Variants in SENP5 observed in about 807,000 individuals in gnomAD.
The protein encoded by SENP5 is SUMO specific peptidase 5, also known as sentrin-specific protease 5.
A neutral mutation model predicts 74.2 loss-of-function variants in SENP5; 21 were observed. The ratio of observed to expected loss-of-function variants is 0.28; its 90% CI spans 0.20 to 0.41. The LOEUF (loss-of-function observed/expected upper bound fraction) is 0.41, where lower values mean the gene tolerates loss of function less well. Ranked by LOEUF, SENP5 falls within the 10% of genes least tolerant of loss-of-function variation. The pLI, the probability that SENP5 is intolerant of heterozygous loss-of-function variation, is 1.00. For missense variants in SENP5, 717 were observed against 889.1 expected, an observed-to-expected ratio of 0.81 and a Z score of 2.46; for synonymous variants, 311 against 312.7, an observed-to-expected ratio of 0.99 and a Z score of 0.06.
intron 1 of SENP5, among the ~76,000 whole-genome samples, chr3:196,868,749 C>T (rs1032762790): frequency 1.3e-5 from 2 of 152,180 alleles, no homozygotes; most frequent in African/African-American, 2.4e-5. Flanking sequence ...GTGGGACTTT[C>T]TTCTACCAAT....
At chr3:196,872,694 G>A (rs1301316009) in intron 1 of SENP5, among the ~76,000 whole-genome samples, 1 of 152,190 alleles carries the variant, frequency 6.6e-6, no homozygotes, top group East Asian at 1.9e-4. Context: ...GCCACATGTA[G>A]CAGCCTAAAT....
At chr3:196,876,094 T>G (rs1713452674) in intron 1 of SENP5, among the ~76,000 whole-genome samples, 2 of 152,330 alleles carry the variant, frequency 1.3e-5, no homozygotes, top group Non-Finnish European at 1.5e-5. Flanking sequence ...AGTTTGTTTA[T>G]ATAGAAGTGA....
intron 2 of SENP5, among the ~76,000 whole-genome samples, chr3:196,887,511 G>GT (rs113215771): frequency 0.016 from 2,257 of 142,730 alleles, 27 homozygotes; most frequent in African/African-American, 0.036. Flanking sequence ...GATTGTTTCT[G>GT]TTTTTTTTTT....
chr3:196,902,340 C>G (rs778761691), intron 5 of SENP5, among the ~76,000 whole-genome samples: 5 of 152,178 alleles, frequency 3.3e-5, no homozygotes, highest in Non-Finnish European at 7.4e-5. Context: ...GTTGCCCAGG[C>G]TAGCTTGAGC....
At chr3:196,911,419 G>A (rs553963120) in intron 6 of SENP5, among the ~76,000 whole-genome samples, 89 of 152,266 alleles carry the variant, frequency 5.8e-4, no homozygotes, top group African/African-American at 2.1e-3. Context: ...CTTCGCAAAA[G>A]AAGACATTTA....
intron 6 of SENP5, among the ~76,000 whole-genome samples, chr3:196,905,629 G>A (rs943650514): frequency 6.6e-6 from 1 of 152,140 alleles, no homozygotes; most frequent in Non-Finnish European, 1.5e-5. Flanking sequence ...AGATGCATGG[G>A]AAGAGATGTA....
chr3:196,877,299 C>T (rs908644717), intron 1 of SENP5, among the ~76,000 whole-genome samples: 2 of 152,140 alleles, frequency 1.3e-5, no homozygotes, highest in African/African-American at 4.8e-5. Context: ...TCTTCTGCCT[C>T]AGGCTCCTGA....
rs117182795 is a variant in SENP5 at position 196,902,178 on chromosome 3, A to T, written c.1807-1355A>T. Among the ~76,000 whole-genome samples the T allele has an allele frequency of 1.2e-3, 187 of 152,356 alleles. 7 individuals carry two copies. In the East Asian group the frequency reaches 0.03, roughly 24 times the overall value. On this transcript the variant is annotated intron_variant, in intron 5 of 9. Coordinates refer to ENST00000323460, the MANE Select transcript of SENP5 (RefSeq NM_152699.5). ...ACACTCCAGGCTGGAATGCAGTGGC[A>T]CAGTCATAGCTCACTGTAGCCTTGA... is the stretch of plus-strand genomic sequence containing the variant.
rs572160747 is a variant in SENP5, at chr3:196,873,069, CTTTTTTT to C, written c.-32+5011_-32+5017del. On this transcript the variant is annotated intron_variant, in intron 1 of 9. Coordinates refer to ENST00000323460, the MANE Select transcript of SENP5 (RefSeq NM_152699.5). ...TCCTCCCTGCAAGCTTGAGATTTAACTTTTTTTTTTTTTTTTTTTTTGGAGACGGAGT... is the reference window on the plus strand; with the variant it reads ...TCCTCCCTGCAAGCTTGAGATTTAACTTTTTTTTTTTTTTGGAGACGGAGT... Among the ~76,000 whole-genome samples the C allele has an allele frequency of 9.2e-5, 10 of 108,354 alleles. No homozygotes were observed. The East Asian group carries it at 2.6e-3, about 28-fold the overall frequency. The allele number at this position is 108,354 out of a possible 152,430, so 71.1% of individuals were successfully genotyped here. A position where few individuals can be genotyped will look rare whatever the true frequency, so the allele number is the denominator to read the frequency against.
chr3:196,877,451 C>CT (rs1258002102), intron 1 of SENP5, among the ~76,000 whole-genome samples: 4 of 152,314 alleles, frequency 2.6e-5, no homozygotes, highest in Admixed American at 1.3e-4. Flanking sequence ...TTCAAAAGTG[C>CT]TGTGCTTACA....
At chr3:196,891,415 C>T (rs1393980734) in intron 2 of SENP5, among the ~76,000 whole-genome samples, 4 of 152,068 alleles carry the variant, frequency 2.6e-5, no homozygotes, top group Admixed American at 1.3e-4. Flanking sequence ...GAATTGTGTT[C>T]TTTAATGGGG....
At chr3:196,900,558 G>A in intron 5 of SENP5, 146 bp downstream of exon 5, 1 of 575,744 alleles carries the variant, frequency 1.7e-6, no homozygotes, top group South Asian at 2.7e-5. Context: ...TCATGTACTG[G>A]GCTTGATCGT....
intron 6 of SENP5, among the ~76,000 whole-genome samples, chr3:196,906,188 C>T (rs890276513): frequency 2.0e-5 from 3 of 151,932 alleles, no homozygotes; most frequent in Admixed American, 6.6e-5. Flanking sequence ...CCACTGCACT[C>T]CAGCCTGGGT....
rs758671474 is a variant in SENP5 at position 196,886,422 on chromosome 3, C to T, written c.1241C>T (p.Ser414Leu). The T allele has an allele frequency of 3.7e-6, 6 of 1,611,294 alleles. No individual in the cohort carries two copies. The Admixed American group carries it at 1.0e-4, about 27-fold the overall frequency. ...GTCAGTGATGACAGAGTAAAACTGT[C>T]AGTGTCTGGAGCAGATACATCTGTG... The part of the protein sequence containing the change: ...SSVSDDRVKL[S>L]VSGADTSVSS... Residue 414 changes from serine (S) to leucine (L), a missense_variant, in exon 2 of 10, where the codon TCA becomes TTA. Around this residue, in one of 4 missense-constraint regions of SENP5, gnomAD observed 567 missense variants for 577.4 expected, o/e 0.98. Transcript: ENST00000323460.
chr3:196,916,273 G>A (rs1715370044), intron 6 of SENP5, among the ~76,000 whole-genome samples: 1 of 152,044 alleles, frequency 6.6e-6, no homozygotes, highest in Non-Finnish European at 1.5e-5. Context: ...GTTGCAGTGA[G>A]CCGAGATCAT....
At chr3:196,911,389 G>A (rs1466272146) in intron 6 of SENP5, among the ~76,000 whole-genome samples, 1 of 152,044 alleles carries the variant, frequency 6.6e-6, no homozygotes, top group Non-Finnish European at 1.5e-5. Flanking sequence ...CAGAAAGTGG[G>A]CAAAGGATAT....
intron 6 of SENP5, chr3:196,913,280 T>G (rs1479846201): frequency 6.6e-6 from 1 of 152,150 alleles, no homozygotes; most frequent in Non-Finnish European, 1.5e-5. Flanking sequence ...GAACATGTAC[T>G]TAGCCACAAA....
intron 6 of SENP5, among the ~76,000 whole-genome samples, chr3:196,915,621 C>T (rs1414908493): frequency 6.6e-6 from 1 of 152,204 alleles, no homozygotes; most frequent in Admixed American, 6.5e-5. Context: ...ATGCTGTGTT[C>T]AGTTGTGACC....
chr3:196,894,980 G>T (rs1299884988), intron 2 of SENP5, among the ~76,000 whole-genome samples: 3 of 152,122 alleles, frequency 2.0e-5, no homozygotes, highest in Non-Finnish European at 4.4e-5. Context: ...GCTTATGTTT[G>T]TTCTTAGATA....
Sources: allele counts gnomAD v4.1 joint callset (sites outside exome capture counted in the v4.1 genomes callset), GRCh38; gene constraint gnomAD v4.1.1; regional missense constraint gnomAD v4.1.1; transcripts MANE v1.5; gene names NCBI Gene and HGNC (gene_info 2026-07-23, HGNC 2026-07-21).